Variants in PRKAR2A observed in about 807,000 individuals in gnomAD.
PRKAR2A encodes the protein cAMP-dependent protein kinase type II-alpha regulatory subunit.
A neutral mutation model predicts 51.9 loss-of-function variants in PRKAR2A; 29 were observed. The observed-to-expected ratio is 0.56, with a 90% confidence interval of 0.42 to 0.76. PRKAR2A has a LOEUF of 0.76. PRKAR2A is among the 30% of genes least tolerant of loss of function. PRKAR2A has a pLI of 0.00. For missense variants in PRKAR2A, 445 were observed against 512.1 expected, an observed-to-expected ratio of 0.87 and a Z score of 1.26; for synonymous variants, 178 against 186.2, an observed-to-expected ratio of 0.96 and a Z score of 0.36.
At position 48,793,987 on chromosome 3, in the gene PRKAR2A, T is replaced by G; in HGVS notation, c.351+10A>C. ...ACAATTCTACCTAACATCTTTGCTT[T>G]GGGTCTTACCCTTGGATCTGTATCT... On this transcript the variant is annotated intron_variant, in intron 3 of 10. Coordinates refer to ENST00000265563, the MANE Select transcript of PRKAR2A (RefSeq NM_004157.4). 6.3e-7 allele frequency: 1 copy of G among 1,587,062 alleles called. No homozygotes were observed. Among genetic ancestry groups the G allele is most frequent in the South Asian group, 1.1e-5 (1 of 90,430 alleles).
At chr3:48,805,607 T>G (rs1463508923) in intron 2 of PRKAR2A, among the ~76,000 whole-genome samples, 1 of 152,186 alleles carries the variant, frequency 6.6e-6, no homozygotes, top group African/African-American at 2.4e-5. Context: ...GGGATAATCA[T>G]GGTATGGGCC....
intron 5 of PRKAR2A, among the ~76,000 whole-genome samples, chr3:48,774,251 C>A (rs1486577168): frequency 2.0e-5 from 3 of 151,978 alleles, no homozygotes; most frequent in Non-Finnish European, 2.9e-5. Context: ...GTATCCATCA[C>A]CTTGGATATA....
intron 1 of PRKAR2A, among the ~76,000 whole-genome samples, chr3:48,813,232 C>CAA (rs35033928): frequency 6.6e-4 from 53 of 80,426 alleles, no homozygotes; most frequent in African/African-American, 1.1e-3. Flanking sequence ...CTATCTCTAC[C>CAA]AAAAAAAAAA....
intron 1 of PRKAR2A, among the ~76,000 whole-genome samples, chr3:48,829,334 C>T: frequency 6.6e-6 from 1 of 151,230 alleles, no homozygotes; most frequent in Non-Finnish European, 1.5e-5. Context: ...GCCTGGCCAA[C>T]ATGGGGAAAC....
At chr3:48,790,492 G>C in intron 4 of PRKAR2A, 52 bp downstream of exon 4, 2 of 1,319,090 alleles carry the variant, frequency 1.5e-6, no homozygotes, top group Non-Finnish European at 1.0e-6. Context: ...TGACAAATAG[G>C]AGCAAAGCTA....
rs535678587 is a variant in PRKAR2A at position 48,790,461 on chromosome 3, T to G, written c.435+83A>C. On this transcript the variant is annotated intron_variant, in intron 4 of 10. Transcript: ENST00000265563. ...ATGCTTAACACGGCTGTGGCTAGGG[T>G]GCTAAAAATTAAAGTTTAAGTGACA... 6.6e-4 allele frequency: 581 copies of G among 883,636 alleles called. 2 individuals carry two copies. Among genetic ancestry groups the G allele is most frequent in the Middle Eastern group, 6.4e-4 (2 of 3,112 alleles). 54.7% of individuals were successfully genotyped at this position (883,636 alleles called of 1,614,324 possible).
chr3:48,777,912 GT>G (rs2082129592), intron 5 of PRKAR2A, among the ~76,000 whole-genome samples: 1 of 152,076 alleles, frequency 6.6e-6, no homozygotes, highest in South Asian at 2.1e-4. Context: ...AGAATTCAGT[GT>G]TTTTAGCGTC....
At chr3:48,765,706 AGAGT>A (rs1388303431) in intron 6 of PRKAR2A, among the ~76,000 whole-genome samples, 1 of 137,320 alleles carries the variant, frequency 7.3e-6, no homozygotes, top group East Asian at 2.5e-4. Context: ...CCTGGGTGAC[AGAGT>A]GAGACCCTCA....
intron 1 of PRKAR2A, among the ~76,000 whole-genome samples, chr3:48,816,018 CAA>C (rs748275352): frequency 2.9e-4 from 15 of 51,668 alleles, no homozygotes; most frequent in Non-Finnish European, 4.8e-4. Context: ...GACTCCATCT[CAA>C]AAAAAAAAAA....
intron 8 of PRKAR2A, among the ~76,000 whole-genome samples, chr3:48,759,629 C>T (rs924931143): frequency 2.6e-5 from 4 of 152,140 alleles, no homozygotes; most frequent in South Asian, 2.1e-4. Flanking sequence ...TCAGGTGATC[C>T]GCCTGCCTCG....
chr3:48,807,936 C>T (rs1472149675), intron 1 of PRKAR2A, among the ~76,000 whole-genome samples: 2 of 152,126 alleles, frequency 1.3e-5, no homozygotes, highest in Non-Finnish European at 2.9e-5. Flanking sequence ...TTTATTTCTG[C>T]CCACATCTAT....
chr3:48,792,110 C>T (rs1297886573), intron 3 of PRKAR2A, among the ~76,000 whole-genome samples: 1 of 151,384 alleles, frequency 6.6e-6, no homozygotes, highest in Non-Finnish European at 1.5e-5. Context: ...TTAAGAGTAA[C>T]TTGATTTAAG....
intron 1 of PRKAR2A, among the ~76,000 whole-genome samples, chr3:48,829,871 A>ATATTT (rs1297832658): frequency 9.5e-4 from 83 of 87,724 alleles, no homozygotes; most frequent in African/African-American, 3.4e-3. Flanking sequence ...ATATATATAT[A>ATATTT]TTTTTTTTTT....
intron 5 of PRKAR2A, among the ~76,000 whole-genome samples, chr3:48,782,231 A>C (rs1291860186): frequency 6.6e-6 from 1 of 152,056 alleles, no homozygotes; most frequent in Non-Finnish European, 1.5e-5. Flanking sequence ...AAGCCCAAAT[A>C]TTTAATCTTT....
chr3:48,841,762 G>C (rs2083384748), intron 1 of PRKAR2A, among the ~76,000 whole-genome samples: 1 of 151,850 alleles, frequency 6.6e-6, no homozygotes, highest in Non-Finnish European at 1.5e-5. Flanking sequence ...CATCCTAACA[G>C]GTATGAAGTA....
chr3:48,761,002 G>A (rs948740079), intron 8 of PRKAR2A, among the ~76,000 whole-genome samples: 3 of 151,876 alleles, frequency 2.0e-5, no homozygotes, highest in Non-Finnish European at 2.9e-5. Context: ...ACAAAAACAA[G>A]GCTGAGTGCA....
At chr3:48,802,643 C>T (rs749898295) in intron 2 of PRKAR2A, among the ~76,000 whole-genome samples, 6 of 151,762 alleles carry the variant, frequency 4.0e-5, no homozygotes, top group Non-Finnish European at 8.8e-5. Context: ...GTGGAAGTCG[C>T]AGTGAGCCGA....
chr3:48,778,447 A>G (rs1009425743), intron 5 of PRKAR2A, among the ~76,000 whole-genome samples: 6 of 152,018 alleles, frequency 3.9e-5, no homozygotes, highest in African/African-American at 1.2e-4. Context: ...CCAGCCTTCC[A>G]ATTAGCTGGG....
At chr3:48,807,872 A>G (rs893310075) in intron 1 of PRKAR2A, among the ~76,000 whole-genome samples, 188 bp from the exon 2 acceptor site, 1 of 152,204 alleles carries the variant, frequency 6.6e-6, no homozygotes, top group African/African-American at 2.4e-5. Context: ...AATATAGGAA[A>G]TACAGTATTT....
Sources: gnomAD v4.1 joint callset for allele counts (sites outside exome capture counted in the v4.1 genomes callset) on GRCh38, gnomAD v4.1.1 for gene constraint, MANE v1.5 for transcripts, NCBI Gene and HGNC (gene_info 2026-07-23, HGNC 2026-07-21) for gene names.